DPYD: variants seen among roughly 807,000 people sequenced by gnomAD.
DPYD encodes dihydropyrimidine dehydrogenase [NADP(+)].
Under a neutral mutation model 116.2 loss-of-function variants are expected in DPYD, and 109 were observed. The ratio of observed to expected loss-of-function variants is 0.94; its 90% CI spans 0.80 to 1.10. The LOEUF (loss-of-function observed/expected upper bound fraction) is 1.10, where lower values mean the gene tolerates loss of function less well. DPYD is among the 50% of genes least tolerant of loss of function. The pLI, the probability that DPYD is intolerant of heterozygous loss-of-function variation, is 0.00. For missense variants in DPYD, 1,302 were observed against 1,254.5 expected, an observed-to-expected ratio of 1.04 and a Z score of -0.57; for synonymous variants, 440 against 432.0, an observed-to-expected ratio of 1.02 and a Z score of -0.23.
intron 17 of DPYD, 92 bp downstream of exon 17, chr1:97,306,085 C>T (rs1667142730): frequency 1.3e-6 from 2 of 1,593,304 alleles, no homozygotes; most frequent in East Asian, 2.2e-5. Flanking sequence ...AAAATATGCA[C>T]ATGTTTGTAG....
intron 4 of DPYD, among the ~76,000 whole-genome samples, chr1:97,723,448 AAC>A (rs551991935): frequency 4.0e-5 from 6 of 150,952 alleles, no homozygotes; most frequent in Non-Finnish European, 3.0e-5. Flanking sequence ...TGTTGATGTA[AAC>A]ACACACACAC....
At chr1:97,225,743 T>C (rs2100710010) in intron 19 of DPYD, among the ~76,000 whole-genome samples, 1 of 152,218 alleles carries the variant, frequency 6.6e-6, no homozygotes, top group South Asian at 2.1e-4. Context: ...TGTTTATTTT[T>C]CTTTTGTTGC....
At chr1:97,113,246 G>C (rs1651731128) in intron 20 of DPYD, among the ~76,000 whole-genome samples, 1 of 152,114 alleles carries the variant, frequency 6.6e-6, no homozygotes. Flanking sequence ...TAAAGCTACA[G>C]CGGGCTCTCT....
At chr1:97,775,440 T>A (rs1666345135) in intron 3 of DPYD, among the ~76,000 whole-genome samples, 1 of 152,180 alleles carries the variant, frequency 6.6e-6, no homozygotes, top group Non-Finnish European at 1.5e-5. Flanking sequence ...GGACTTTTCT[T>A]AATTGCTGTA....
At chr1:97,776,298 T>G (rs1666404600) in intron 3 of DPYD, among the ~76,000 whole-genome samples, 1 of 152,154 alleles carries the variant, frequency 6.6e-6, no homozygotes, top group African/African-American at 2.4e-5. Flanking sequence ...TTTATCTCAG[T>G]CTATATTTTG....
chr1:97,444,504 A>G (rs1675967119), intron 14 of DPYD, among the ~76,000 whole-genome samples: 1 of 152,212 alleles, frequency 6.6e-6, no homozygotes, highest in South Asian at 2.1e-4. Context: ...AAAATATTTA[A>G]TAATATAGGT....
intron 1 of DPYD, among the ~76,000 whole-genome samples, chr1:97,913,581 C>T (rs1350242376): frequency 1.3e-5 from 2 of 152,126 alleles, no homozygotes; most frequent in Non-Finnish European, 2.9e-5. Flanking sequence ...ATAGTAAATA[C>T]ACATTCTACT....
At chr1:97,394,645 T>C (rs1672912485) in intron 14 of DPYD, among the ~76,000 whole-genome samples, 1 of 152,034 alleles carries the variant, frequency 6.6e-6, no homozygotes, top group African/African-American at 2.4e-5. Context: ...GAAGTGAGTG[T>C]ATGCTGTTTG....
At chr1:97,632,028 C>T (rs1156528867) in intron 8 of DPYD, among the ~76,000 whole-genome samples, 2 of 152,010 alleles carry the variant, frequency 1.3e-5, no homozygotes, top group African/African-American at 2.4e-5. Flanking sequence ...TAAGCAGAAG[C>T]CCATGTAACT....
chr1:97,744,459 A>T (rs1312185740), intron 3 of DPYD, among the ~76,000 whole-genome samples: 1 of 152,000 alleles, frequency 6.6e-6, no homozygotes, highest in East Asian at 1.9e-4. Flanking sequence ...ATAATAATAA[A>T]AAAACACATA....
chr1:97,340,957 A>G (rs1467382865), intron 16 of DPYD, among the ~76,000 whole-genome samples: 1 of 152,232 alleles, frequency 6.6e-6, no homozygotes, highest in Non-Finnish European at 1.5e-5. Flanking sequence ...TTCTTTGACT[A>G]GAATTTAATA....
chr1:97,685,297 T>C (rs970541159), intron 7 of DPYD, among the ~76,000 whole-genome samples: 3 of 152,170 alleles, frequency 2.0e-5, no homozygotes, highest in Non-Finnish European at 4.4e-5. Context: ...CAATATCCTT[T>C]CCTGTTAAAA....
chr1:97,610,793 T>G (rs887634162), intron 8 of DPYD, among the ~76,000 whole-genome samples: 2 of 151,988 alleles, frequency 1.3e-5, no homozygotes, highest in Non-Finnish European at 1.5e-5. Flanking sequence ...TTTAAGCAAT[T>G]AAAGAATTCA....
At chr1:97,628,926 C>T (rs765069958) in intron 8 of DPYD, among the ~76,000 whole-genome samples, 3 of 151,966 alleles carry the variant, frequency 2.0e-5, no homozygotes, top group Non-Finnish European at 4.4e-5. Flanking sequence ...ACCTTGAGTT[C>T]AAATCCCAGC....
At chr1:97,240,325 T>C (rs1388578446) in intron 18 of DPYD, among the ~76,000 whole-genome samples, 1 of 151,950 alleles carries the variant, frequency 6.6e-6, no homozygotes, top group African/African-American at 2.4e-5. Context: ...GAGGCAGAGA[T>C]GTACTTCGCA....
chr1:97,081,697 T>TTTTTCTTTTC (rs759634269), intron 22 of DPYD, among the ~76,000 whole-genome samples: 4 of 147,644 alleles, frequency 2.7e-5, no homozygotes, highest in African/African-American at 1.0e-4. Flanking sequence ...TTTCTTTTTC[T>TTTTTCTTTTC]TTTTCTTTTC....
intron 20 of DPYD, among the ~76,000 whole-genome samples, chr1:97,172,755 GAATT>G (rs1461832924): frequency 1.3e-5 from 2 of 152,126 alleles, no homozygotes; most frequent in Non-Finnish European, 2.9e-5. Flanking sequence ...TCGGGAGAAG[GAATT>G]AATTATCCAA....
intron 16 of DPYD, among the ~76,000 whole-genome samples, chr1:97,314,771 C>T (rs1162094873): frequency 6.6e-6 from 1 of 151,916 alleles, no homozygotes; most frequent in East Asian, 2.0e-4. Context: ...GCCGGCTAAT[C>T]CCAACAGGAA....
chr1:97,724,362 GTGTA>G (rs1171789330), intron 4 of DPYD, among the ~76,000 whole-genome samples: 12 of 136,014 alleles, frequency 8.8e-5, no homozygotes, highest in African/African-American at 3.5e-4. Flanking sequence ...GTGTGTGTGT[GTGTA>G]TGAGATTTAT....
Sources: gnomAD v4.1 joint callset for allele counts (sites outside exome capture counted in the v4.1 genomes callset) on GRCh38, gnomAD v4.1.1 for gene constraint, MANE v1.5 for transcripts, NCBI Gene and HGNC (gene_info 2026-07-23, HGNC 2026-07-21) for gene names.